ABCG2: variants seen among roughly 807,000 people sequenced by gnomAD.
The protein encoded by ABCG2 is ATP binding cassette subfamily G member 2 (JR blood group).
Under a neutral mutation model 73.5 loss-of-function variants are expected in ABCG2, and 80 were observed. The ratio of observed to expected loss-of-function variants is 1.09; its 90% CI spans 0.91 to 1.31. The LOEUF (loss-of-function observed/expected upper bound fraction) is 1.31. Ranked by LOEUF, ABCG2 falls within the 50% of genes most tolerant of loss-of-function variation. The pLI is 0.00. For missense variants in ABCG2, 796 were observed against 786.2 expected (o/e 1.01, Z -0.15); for synonymous variants, 269 against 282.4 (o/e 0.95, Z 0.48).
At chr4:88,111,819 G>C (rs1158557480) in intron 9 of ABCG2, among the ~76,000 whole-genome samples, 1 of 152,126 alleles carries the variant, frequency 6.6e-6, no homozygotes, top group Non-Finnish European at 1.5e-5. Flanking sequence ...GGCCAGGCAT[G>C]GTGGCTCACA....
In ABCG2 at chr4:88,090,510, C is replaced by T. The variant is rs931581938; in HGVS notation, c.*1724G>A. 5.9e-5 allele frequency: 9 copies of T among 152,062 alleles called. No individual in the cohort carries two copies. The highest frequency in any genetic ancestry group is 8.8e-5 in the Non-Finnish European group (6 of 68,004). 9.4% of individuals were successfully genotyped at this position (152,062 alleles called of 1,614,324 possible). A position where few individuals can be genotyped will look rare whatever the true frequency, so the allele number is the denominator to read the frequency against. On this transcript the variant is annotated 3_prime_UTR_variant, in exon 16 of 16. Transcript: ENST00000237612. ...AAAGATAATGTGTTCCAAGATGACG[C>T]ATTAATCAAATGTCATCCAAAAAGA... is the stretch of plus-strand genomic sequence containing the variant.
intron 1 of ABCG2, among the ~76,000 whole-genome samples, chr4:88,177,243 A>G (rs563658949): frequency 1.6e-3 from 242 of 152,112 alleles, no homozygotes; most frequent in African/African-American, 5.0e-3. Context: ...GCATGGTGGC[A>G]GGCGCCTGTG....
chr4:88,115,232 G>GTCTCTCTCTCTCTCTGTCTC (rs59257608), intron 7 of ABCG2, among the ~76,000 whole-genome samples, 174 bp from the exon 8 acceptor site: 349 of 28,914 alleles, frequency 0.012, 72 homozygotes, highest in African/African-American at 0.04. Context: ...TATATATTCA[G>GTCTCTCTCTCTCTCTGTCTC]TCTCTCTCTC....
At chr4:88,132,976 C>T (rs1725006747) in intron 2 of ABCG2, among the ~76,000 whole-genome samples, 2 of 152,098 alleles carry the variant, frequency 1.3e-5, no homozygotes, top group South Asian at 2.1e-4. Context: ...TGGTCAAGTC[C>T]TACAAGAAAA....
chr4:88,220,842 T>A (rs191736962), intron 1 of ABCG2, among the ~76,000 whole-genome samples: 46 of 152,276 alleles, frequency 3.0e-4, no homozygotes, highest in Non-Finnish European at 5.6e-4. Context: ...CCCTCTTTGC[T>A]CAGCACTTCT....
intron 15 of ABCG2, 85 bp from the exon 16 acceptor site, chr4:88,092,466 C>G (rs914176652): frequency 2.1e-6 from 3 of 1,404,336 alleles, no homozygotes; most frequent in Non-Finnish European, 2.9e-6. Flanking sequence ...CTTAAAGGAG[C>G]CTAAAATTGA....
rs768978815 is a variant in ABCG2, at chr4:88,097,620, GAGA to G, written c.1493-16_1493-14del. 1.3e-5 allele frequency: 21 copies of G among 1,613,152 alleles called. No individual in the cohort carries two copies. Among genetic ancestry groups the G allele is most frequent in the Middle Eastern group, 1.7e-4 (1 of 6,058 alleles). ...TTTGGCTTCAATCCTTAGTCAGAAAGAGAAGAAGTAGTTAACCCAACTGCCTAG... is the reference window on the plus strand; with the variant it reads ...TTTGGCTTCAATCCTTAGTCAGAAAGAGAAGTAGTTAACCCAACTGCCTAG... On this transcript the variant is annotated splice_polypyrimidine_tract_variant and intron_variant, in intron 12 of 15. Transcript: ENST00000237612.
intron 1 of ABCG2, among the ~76,000 whole-genome samples, chr4:88,147,585 T>C (rs2622625): frequency 0.77 from 117,498 of 152,084 alleles, 45,786 homozygotes; most frequent in African/African-American, 0.86. Flanking sequence ...GAACTATTTT[T>C]GTTTCCTGCA....
intron 2 of ABCG2, among the ~76,000 whole-genome samples, chr4:88,135,149 G>C (rs542069744): frequency 1.6e-4 from 24 of 152,270 alleles, no homozygotes; most frequent in African/African-American, 5.8e-4. Flanking sequence ...GCTGACCTCT[G>C]TTCTAGTCTA....
At chr4:88,143,357 C>T in intron 1 of ABCG2, among the ~76,000 whole-genome samples, 1 of 152,128 alleles carries the variant, frequency 6.6e-6, no homozygotes, top group Non-Finnish European at 1.5e-5. Flanking sequence ...TACTGCCATC[C>T]CCATTTGATG....
At chr4:88,202,077 T>A (rs1344089580) in intron 1 of ABCG2, among the ~76,000 whole-genome samples, 1 of 151,892 alleles carries the variant, frequency 6.6e-6, no homozygotes, top group African/African-American at 2.4e-5. Flanking sequence ...GAAGCCAAGA[T>A]CACAAAATGA....
At chr4:88,203,904 ATACT>A (rs1729281148) in intron 1 of ABCG2, among the ~76,000 whole-genome samples, 1 of 152,228 alleles carries the variant, frequency 6.6e-6, no homozygotes, top group East Asian at 1.9e-4. Flanking sequence ...TTACCCTGAA[ATACT>A]TACTCTCTAC....
In ABCG2 at chr4:88,125,342, C is replaced by T. The variant is rs186736982; in HGVS notation, c.532-3550G>A. ...GCACAACTATGACTGGGCGTGGTGG[C>T]TCATGCCTGTAATCCCAGCACTTTG... On this transcript the variant is annotated intron_variant, in intron 5 of 15. Transcript: ENST00000237612. 1.6e-3 allele frequency among the ~76,000 whole-genome samples: 244 copies of T among 148,980 alleles called. 2 individuals are homozygous for T. The highest frequency in any genetic ancestry group is 5.6e-3 in the African/African-American group (228 of 40,426).
chr4:88,206,103 A>G (rs1452673978), intron 1 of ABCG2, among the ~76,000 whole-genome samples: 3 of 152,216 alleles, frequency 2.0e-5, no homozygotes, highest in Non-Finnish European at 4.4e-5. Context: ...TTCTAGAACT[A>G]TCAAACTCTT....
chr4:88,122,878 C>G (rs1464166986), intron 5 of ABCG2, among the ~76,000 whole-genome samples: 1 of 152,198 alleles, frequency 6.6e-6, no homozygotes, highest in Non-Finnish European at 1.5e-5. Context: ...GGAGACACCT[C>G]CCAGCAGGGG....
rs573477419 is a variant in ABCG2, at chr4:88,132,087, T to C, written c.264-170A>G. ...AGAAATTCTATGGTTTAACTAAAATTATGCTTTTAAAAATTCTCACCTTTC... is the reference window on the plus strand; with the variant it reads ...AGAAATTCTATGGTTTAACTAAAATCATGCTTTTAAAAATTCTCACCTTTC... On this transcript the variant is annotated intron_variant, in intron 3 of 15. Coordinates refer to ENST00000237612, the MANE Select transcript of ABCG2 (RefSeq NM_004827.3). 1.1e-4 allele frequency among the ~76,000 whole-genome samples: 17 copies of C among 152,290 alleles called. No individual in the cohort carries two copies. In the South Asian group the frequency reaches 3.5e-3, roughly 32 times the overall value.
chr4:88,199,122 C>T (rs1052308123), intron 1 of ABCG2, among the ~76,000 whole-genome samples: 14 of 152,026 alleles, frequency 9.2e-5, no homozygotes, highest in African/African-American at 3.1e-4. Flanking sequence ...GCTCCTGCCA[C>T]CACACCCAAC....
chr4:88,204,828 A>G (rs1238458138), intron 1 of ABCG2, among the ~76,000 whole-genome samples: 1 of 152,222 alleles, frequency 6.6e-6, no homozygotes, highest in Non-Finnish European at 1.5e-5. Context: ...ATTGTTTTGG[A>G]GGCAGTGGGG....
At chr4:88,203,710 T>A (rs984827201) in intron 1 of ABCG2, among the ~76,000 whole-genome samples, 18 of 148,094 alleles carry the variant, frequency 1.2e-4, no homozygotes, top group Admixed American at 2.7e-4. Context: ...GCTGAGATCG[T>A]GCCATTGCAC....
Sources: gnomAD v4.1 joint callset for allele counts (sites outside exome capture counted in the v4.1 genomes callset) on GRCh38, gnomAD v4.1.1 for gene constraint, MANE v1.5 for transcripts, NCBI Gene and HGNC (gene_info 2026-07-23, HGNC 2026-07-21) for gene names.